The following SETBP1 variants were observed in gnomAD, a reference collection of about 807,000 sequenced individuals.
The protein encoded by SETBP1 is SET-binding protein.
In SETBP1, 9 loss-of-function variants were observed where a neutral mutation model predicts 101.0. The observed-to-expected ratio is 0.09, with a 90% CI of 0.05 to 0.16. The LOEUF (loss-of-function observed/expected upper bound fraction) is 0.16, where lower values mean the gene tolerates loss of function less well. SETBP1 is among the 10% of genes least tolerant of loss of function. The pLI is 1.00. For synonymous variants in SETBP1, 818 were observed against 788.5 expected (o/e 1.04, Z -0.63); for missense variants, 1,858 against 2,033.8 (o/e 0.91, Z 1.66).
At chr18:44,849,976 A>G (rs2072814251) in intron 2 of SETBP1, among the ~76,000 whole-genome samples, 2 of 152,220 alleles carry the variant, frequency 1.3e-5, no homozygotes, top group African/African-American at 4.8e-5. Context: ...AGAACTCAGC[A>G]AGAGAAAGAT....
At chr18:45,059,300 A>C (rs1815993895) in intron 5 of SETBP1, among the ~76,000 whole-genome samples, 1 of 152,208 alleles carries the variant, frequency 6.6e-6, no homozygotes, top group Non-Finnish European at 1.5e-5. Context: ...CATTTCTAAA[A>C]GATAGGTACT....
chr18:45,056,432 T>C (rs188365436), intron 5 of SETBP1, among the ~76,000 whole-genome samples: 21 of 152,332 alleles, frequency 1.4e-4, no homozygotes, highest in African/African-American at 4.8e-4. Flanking sequence ...TGTCATCTGA[T>C]GGGCAGCGCA....
At chr18:44,883,987 A>G (rs1219167708) in intron 3 of SETBP1, among the ~76,000 whole-genome samples, 5 of 152,218 alleles carry the variant, frequency 3.3e-5, no homozygotes, top group Non-Finnish European at 5.9e-5. Context: ...CCAAAGGAAA[A>G]CTAGAACCAC....
intron 3 of SETBP1, among the ~76,000 whole-genome samples, chr18:44,913,806 C>T (rs2070367837): frequency 6.6e-6 from 1 of 152,156 alleles, no homozygotes; most frequent in Non-Finnish European, 1.5e-5. Flanking sequence ...GTGACTATAG[C>T]CAACTGTGGA....
At chr18:44,953,580 T>G (rs2071416944) in intron 4 of SETBP1, among the ~76,000 whole-genome samples, 1 of 152,232 alleles carries the variant, frequency 6.6e-6, no homozygotes, top group South Asian at 2.1e-4. Flanking sequence ...ATAACCCTAA[T>G]AGCTGCCTAG....
At chr18:44,779,522 A>G (rs764519752) in intron 2 of SETBP1, among the ~76,000 whole-genome samples, 4 of 152,126 alleles carry the variant, frequency 2.6e-5, no homozygotes, top group Non-Finnish European at 4.4e-5. Flanking sequence ...TTCTTTTATA[A>G]CAATAATGGC....
chr18:45,041,882 G>A (rs893508638), intron 5 of SETBP1, among the ~76,000 whole-genome samples: 4 of 151,842 alleles, frequency 2.6e-5, no homozygotes, highest in Non-Finnish European at 5.9e-5. Context: ...GCTTGAACCC[G>A]GGAGGCGGAG....
At chr18:44,762,407 T>C (rs1409166013) in intron 2 of SETBP1, among the ~76,000 whole-genome samples, 1 of 152,252 alleles carries the variant, frequency 6.6e-6, no homozygotes, top group Non-Finnish European at 1.5e-5. Context: ...TTCAAGTACA[T>C]GTAAAGCTAG....
rs557235672 is a variant in SETBP1, at chr18:44,782,182, A to G, written c.486+80350A>G. ...AGAAAGAAGGGATTCCACTATAAAG[A>G]GAGATTTGTAGATATGTTTTCTTCT... On this transcript the variant is annotated intron_variant, in intron 2 of 5. Transcript: ENST00000649279. Among the ~76,000 whole-genome samples, 4 of 152,294 alleles carry G rather than the reference A, an allele frequency of 2.6e-5. No homozygotes were observed. The South Asian group carries it at 8.3e-4, about 32-fold the overall frequency.
At chr18:44,886,604 A>C (rs935706395) in intron 3 of SETBP1, among the ~76,000 whole-genome samples, 1 of 152,018 alleles carries the variant, frequency 6.6e-6, no homozygotes, top group Non-Finnish European at 1.5e-5. Context: ...AGCACAGGTG[A>C]TTTCTGTAGG....
intron 2 of SETBP1, among the ~76,000 whole-genome samples, chr18:44,812,156 C>T (rs1442408409): frequency 3.3e-5 from 5 of 152,092 alleles, no homozygotes; most frequent in Non-Finnish European, 1.5e-5. Context: ...TCTCTGCAGA[C>T]ATGGCTCTCT....
intron 4 of SETBP1, among the ~76,000 whole-genome samples, chr18:45,001,379 T>C (rs982461156): frequency 6.6e-6 from 1 of 152,216 alleles, no homozygotes; most frequent in Non-Finnish European, 1.5e-5. Context: ...CAATAAATGT[T>C]AGTTGTTTGT....
chr18:44,923,644 T>A (rs1221743198), intron 3 of SETBP1, among the ~76,000 whole-genome samples: 2 of 152,226 alleles, frequency 1.3e-5, no homozygotes, highest in African/African-American at 4.8e-5. Flanking sequence ...AAGCAGTTAA[T>A]ACACCACTGA....
intron 2 of SETBP1, among the ~76,000 whole-genome samples, chr18:44,829,893 C>T (rs1465440819): frequency 6.6e-6 from 1 of 152,102 alleles, no homozygotes; most frequent in Non-Finnish European, 1.5e-5. Context: ...CCCTTCTTGT[C>T]AGGGGGAAAA....
At chr18:44,914,737 AC>A (rs2070388357) in intron 3 of SETBP1, among the ~76,000 whole-genome samples, 1 of 151,920 alleles carries the variant, frequency 6.6e-6, no homozygotes, top group Non-Finnish European at 1.5e-5. Context: ...AAGGTGACCC[AC>A]CCCCTCATGT....
At chr18:44,980,399 T>C (rs1228908928) in intron 4 of SETBP1, among the ~76,000 whole-genome samples, 1 of 151,970 alleles carries the variant, frequency 6.6e-6, no homozygotes, top group Non-Finnish European at 1.5e-5. Flanking sequence ...GCCAATTTCA[T>C]AGATCGTAGA....
chr18:44,989,326 A>T (rs999141832), intron 4 of SETBP1: 1 of 152,202 alleles, frequency 6.6e-6, no homozygotes, highest in Non-Finnish European at 1.5e-5. Flanking sequence ...TTAGAAACAC[A>T]ATGATGGATG....
chr18:44,839,193 A>C (rs772911670), intron 2 of SETBP1, among the ~76,000 whole-genome samples: 2 of 152,222 alleles, frequency 1.3e-5, no homozygotes, highest in Non-Finnish European at 2.9e-5. Context: ...CTCAGCTGGC[A>C]GTGTCTTAAA....
chr18:44,878,773 C>T (rs780731262), intron 3 of SETBP1, among the ~76,000 whole-genome samples: 1 of 152,160 alleles, frequency 6.6e-6, no homozygotes, highest in East Asian at 1.9e-4. Context: ...TATCTACTCA[C>T]CCCGTTTCCT....
Sources: allele counts gnomAD v4.1 joint callset (sites outside exome capture counted in the v4.1 genomes callset), GRCh38; gene constraint gnomAD v4.1.1; transcripts MANE v1.5; gene names NCBI Gene and HGNC (gene_info 2026-07-23, HGNC 2026-07-21).